Variants in ATRX observed in about 807,000 individuals in gnomAD.
The protein encoded by ATRX is chromatin remodeler ATRX.
ATRX carries 12 observed loss-of-function variants against 172.6 expected under a neutral mutation model. That is an observed-to-expected ratio of 0.07 (90% CI 0.04 to 0.11). The LOEUF is 0.11. Among genes scored for constraint, ATRX ranks in the 10% least tolerant of loss-of-function variants. ATRX has a pLI of 1.00. For missense variants in ATRX, 1,368 were observed against 1,767.4 expected (o/e 0.77, Z 4.05); for synonymous variants, 674 against 594.7 (o/e 1.13, Z -1.94).
intron 20 of ATRX, 76 bp downstream of exon 20, chrX:77,620,319 G>C (rs2148267662): frequency 5.6e-6 from 6 of 1,080,787 alleles, no homozygotes; most frequent in Non-Finnish European, 7.7e-6. Context: ...GTAGAAGAAA[G>C]GTAAATGGTA....
chrX:77,565,997 G>C (rs1241010250), intron 28 of ATRX, among the ~76,000 whole-genome samples: 1 of 111,188 alleles, frequency 9.0e-6, no homozygotes. Flanking sequence ...GAGAAAAATG[G>C]AATGGAAAAG....
chrX:77,523,993 T>G (rs1036411415), intron 30 of ATRX, among the ~76,000 whole-genome samples: 1 of 111,618 alleles, frequency 9.0e-6, no homozygotes, highest in Non-Finnish European at 1.9e-5. Context: ...CATTTTTCAA[T>G]TTATTATCAT....
In ATRX at chrX:77,682,838, C is replaced by G. The variant is rs782580387; in HGVS notation, c.2418G>C (p.Lys806Asn). 2 of 1,205,171 alleles carry G rather than the reference C, an allele frequency of 1.7e-6. No homozygotes were observed. Among genetic ancestry groups the G allele is most frequent in the African/African-American group, 3.5e-5 (2 of 56,634 alleles). Residue 806 changes from lysine (K) to asparagine (N), a missense_variant, in exon 9 of 35, where the codon AAG (lysine) becomes AAC (asparagine). By Grantham distance (94) the Lys-to-Asn change is moderately conservative. Around this residue, in one of 17 missense-constraint regions of ATRX, gnomAD observed 843 missense variants for 643.1 expected, o/e 1.31. Coordinates refer to ENST00000373344, the MANE Select transcript of ATRX (RefSeq NM_000489.6). ...AAGACTCAGACTGGGTTTGTCGTTT[C>G]TTTTTAGAAATTATAGAGCTCTTAG... ...KSAKSSIISKKKRQTQSESSN... is the reference protein window; with the variant it reads ...KSAKSSIISKNKRQTQSESSN...
intron 1 of ATRX, among the ~76,000 whole-genome samples, chrX:77,761,845 C>G (rs1192676258): frequency 3.6e-5 from 4 of 111,358 alleles, no homozygotes; most frequent in African/African-American, 1.3e-4. Context: ...CTTTTCTACT[C>G]TCTTCTTTTG....
chrX:77,578,667 A>G (rs1312981578), intron 27 of ATRX, among the ~76,000 whole-genome samples: 1 of 112,160 alleles, frequency 8.9e-6, no homozygotes, highest in African/African-American at 3.2e-5. Flanking sequence ...TGGGGCATGG[A>G]TTAGACAGAA....
chrX:77,732,091 G>A (rs1237546202), intron 1 of ATRX, among the ~76,000 whole-genome samples: 1 of 111,837 alleles, frequency 8.9e-6, no homozygotes, highest in African/African-American at 3.3e-5. Flanking sequence ...AGGGGCCTCG[G>A]GGTCACAGAC....
rs1057523785 is a variant in ATRX at position 77,684,004 on chromosome X, G to A, written c.1252C>T (p.Arg418Ter). The A allele has an allele frequency of 2.5e-6, 3 of 1,205,668 alleles. No individual in the cohort carries two copies. Among genetic ancestry groups the A allele is most frequent in the East Asian group, 3.0e-5 (1 of 33,786 alleles). The stretch of plus-strand genomic sequence containing the variant: ...TCTTTGTTTACAGCATCCATCGCTC[G>A]AAACTCGGAATTTAAGTCTTCTTCC... ...ALEEDLNSEF[R>*]AMDAVNKEKN... Residue 418 changes from arginine to a stop codon, truncating the protein, a stop_gained, in exon 9 of 35, where the codon CGA (arginine) becomes TGA (stop). Transcript: ENST00000373344. LOFTEE classifies it high-confidence loss of function.
At chrX:77,566,813 T>C (rs891940628) in intron 28 of ATRX, among the ~76,000 whole-genome samples, 1 of 111,890 alleles carries the variant, frequency 8.9e-6, no homozygotes, top group Admixed American at 9.5e-5. Context: ...TAAAAAGGAA[T>C]ACTGAAACAT....
chrX:77,511,466 A>G (rs1371804683), intron 34 of ATRX, among the ~76,000 whole-genome samples: 6 of 111,800 alleles, frequency 5.4e-5, no homozygotes, highest in Non-Finnish European at 7.5e-5. Context: ...CGAACTAAAT[A>G]AGGCCTCAGG....
intron 6 of ATRX, among the ~76,000 whole-genome samples, chrX:77,689,284 G>T (rs1266586389): frequency 1.8e-5 from 2 of 111,954 alleles, no homozygotes; most frequent in African/African-American, 3.2e-5. Flanking sequence ...AAAGAATGGG[G>T]AAGTAAGTAA....
intron 28 of ATRX, among the ~76,000 whole-genome samples, chrX:77,561,284 G>T (rs1283499946): frequency 1.8e-5 from 2 of 109,461 alleles, no homozygotes; most frequent in African/African-American, 6.6e-5. Context: ...ATATAGAATG[G>T]TATAAACTAT....
At chrX:77,694,601 T>C (rs1377389037) in intron 5 of ATRX, among the ~76,000 whole-genome samples, 2 of 111,213 alleles carry the variant, frequency 1.8e-5, no homozygotes, top group Admixed American at 1.9e-4. Flanking sequence ...GTTAATATTT[T>C]AGAAAGAATG....
At chrX:77,700,663 A>T (rs1465153836) in intron 2 of ATRX, among the ~76,000 whole-genome samples, 1 of 112,769 alleles carries the variant, frequency 8.9e-6, no homozygotes, top group African/African-American at 3.2e-5. Flanking sequence ...ATGAATGGAT[A>T]AACAAACTGT....
intron 1 of ATRX, among the ~76,000 whole-genome samples, chrX:77,727,543 A>C (rs2074101558): frequency 9.0e-6 from 1 of 111,188 alleles, no homozygotes; most frequent in South Asian, 3.8e-4. Flanking sequence ...GACATGGATG[A>C]AGCTGGAAAC....
At chrX:77,633,126 T>C in intron 19 of ATRX, 81 bp downstream of exon 19, 2 of 970,865 alleles carry the variant, frequency 2.1e-6, no homozygotes, top group Non-Finnish European at 1.5e-6. Context: ...ACTTAGTAGC[T>C]GTGCAATTAC....
At chrX:77,532,530 C>A (rs182238167) in intron 30 of ATRX, among the ~76,000 whole-genome samples, 1,213 of 111,539 alleles carry the variant, frequency 0.011, 17 homozygotes, top group African/African-American at 0.038. Flanking sequence ...CTGACCAAAA[C>A]GAGCAATGGG....
intron 2 of ATRX, among the ~76,000 whole-genome samples, chrX:77,704,071 T>C (rs1384266451): frequency 9.0e-6 from 1 of 110,898 alleles, no homozygotes; most frequent in Non-Finnish European, 1.9e-5. Context: ...AGTGGGTGGC[T>C]TCTCTTTGCA....
chrX:77,703,046 T>C (rs782442250), intron 2 of ATRX, among the ~76,000 whole-genome samples: 9 of 112,595 alleles, frequency 8.0e-5, no homozygotes, highest in Non-Finnish European at 1.5e-4. Flanking sequence ...ACATTAAACA[T>C]CCTTGAGATA....
intron 2 of ATRX, among the ~76,000 whole-genome samples, chrX:77,705,671 T>C (rs1405006309): frequency 8.9e-6 from 1 of 112,132 alleles, no homozygotes; most frequent in Non-Finnish European, 1.9e-5. Context: ...GACAGAAGTT[T>C]AAGAACAGCC....
Sources: gnomAD v4.1 joint callset for allele counts (sites outside exome capture counted in the v4.1 genomes callset) on GRCh38, gnomAD v4.1.1 for gene constraint, gnomAD v4.1.1 regional missense constraint, MANE v1.5 for transcripts, NCBI Gene and HGNC (gene_info 2026-07-23, HGNC 2026-07-21) for gene names.